The following LATS2 variants were observed in gnomAD, a reference collection of about 807,000 sequenced individuals.
LATS2 encodes large tumor suppressor kinase 2.
In LATS2, 24 loss-of-function variants were observed where a neutral mutation model predicts 76.0. The ratio of observed to expected loss-of-function variants is 0.32; its 90% CI spans 0.23 to 0.44. The LOEUF is 0.44. Among genes scored for constraint, LATS2 ranks in the 20% least tolerant of loss-of-function variants. LATS2 has a pLI of 1.00. For missense variants in LATS2, 1,286 were observed against 1,481.2 expected, an observed-to-expected ratio of 0.87 and a Z score of 2.16; for synonymous variants, 692 against 635.4, an observed-to-expected ratio of 1.09 and a Z score of -1.34.
intron 2 of LATS2, among the ~76,000 whole-genome samples, chr13:21,031,114 T>C (rs1565960257): frequency 6.6e-6 from 1 of 152,230 alleles, no homozygotes; most frequent in African/African-American, 2.4e-5. Context: ...CATTTTTCTC[T>C]GGGTGCTTTC....
At chr13:21,013,844 G>A (rs370366341) in intron 2 of LATS2, among the ~76,000 whole-genome samples, 1 of 152,184 alleles carries the variant, frequency 6.6e-6, no homozygotes, top group South Asian at 2.1e-4. Context: ...GACCACACAT[G>A]CCTGTGGTCC....
Position 20,988,310 on chromosome 13 carries a change from A to ATGC in LATS2, c.1467_1469dup (p.Glu489_His490insGln). The ATGC allele has an allele frequency of 6.5e-7, 1 of 1,535,916 alleles. No individual in the cohort carries two copies. The highest frequency in any genetic ancestry group is 8.7e-7 in the Non-Finnish European group (1 of 1,148,658). Reference sequence around the variant, plus strand: ...CGCCTGCGCCGCCCAGCGCCAGGGCATGCTCCTCCTTGGCGTCCAAGCCCT... The same window carrying ATGC: ...CGCCTGCGCCGCCCAGCGCCAGGGCATGCTGCTCCTCCTTGGCGTCCAAGCCCT... On this transcript the variant is annotated inframe_insertion, in exon 4 of 8. Transcript: ENST00000382592.
rs576062584 is a variant in LATS2 at position 21,059,609 on chromosome 13, A to T, written c.-205+1737T>A. Among the ~76,000 whole-genome samples the T allele has an allele frequency of 2.7e-5, 4 of 149,740 alleles. No homozygotes were observed. In the South Asian group the frequency reaches 8.5e-4, roughly 32 times the overall value. On this transcript the variant is annotated intron_variant, in intron 1 of 7. Coordinates refer to ENST00000382592, the MANE Select transcript of LATS2 (RefSeq NM_014572.3). Reference sequence around the variant, plus strand: ...GACAACGTCTCAAAAAACAACAACAACAACAACAAAAAACACTCATATCCA... The same window carrying T: ...GACAACGTCTCAAAAAACAACAACATCAACAACAAAAAACACTCATATCCA...
rs2138425987 is a variant in LATS2, at chr13:21,061,572, C to G, written c.-431G>C. On this transcript the variant is annotated 5_prime_UTR_variant, in exon 1 of 8. It removes an upstream start codon present in the reference 5' UTR. Transcript: ENST00000382592. Reference sequence around the variant, plus strand: ...AGTGGGACATTCGCTACATTGTTGGCATTCCACGGGCGTCACGTGACCCCG... The same window carrying G: ...AGTGGGACATTCGCTACATTGTTGGGATTCCACGGGCGTCACGTGACCCCG... 1 of 152,762 alleles carries G rather than the reference C, an allele frequency of 6.5e-6. No individual in the cohort carries two copies. Among genetic ancestry groups the G allele is most frequent in the Admixed American group, 6.5e-5 (1 of 15,304 alleles). 9.5% of individuals were successfully genotyped at this position (152,762 alleles called of 1,614,324 possible).
At chr13:20,993,597 T>C (rs532729045) in intron 2 of LATS2, among the ~76,000 whole-genome samples, 4 of 151,732 alleles carry the variant, frequency 2.6e-5, no homozygotes, top group Non-Finnish European at 5.9e-5. Context: ...AGTGACAGAT[T>C]GGAAAATGGT....
chr13:21,051,606 C>T lies in LATS2; in HGVS notation c.-204-5376G>A, dbSNP rs575460722. On this transcript the variant is annotated intron_variant, in intron 1 of 7. Transcript: ENST00000382592. Reference sequence around the variant, plus strand: ...GGAAACCTCACCTGTCTGGGCAATGCGGCCCACCAGGAGAGCAGTGTCAGT... The same window carrying T: ...GGAAACCTCACCTGTCTGGGCAATGTGGCCCACCAGGAGAGCAGTGTCAGT... 2.0e-5 allele frequency among the ~76,000 whole-genome samples: 3 copies of T among 152,100 alleles called. No individual in the cohort carries two copies. In the South Asian group the frequency reaches 6.2e-4, roughly 31 times the overall value.
chr13:21,036,357 G>C (rs1872682872), intron 2 of LATS2, among the ~76,000 whole-genome samples: 1 of 152,072 alleles, frequency 6.6e-6, no homozygotes, highest in African/African-American at 2.4e-5. Context: ...CAGGAAAGTG[G>C]GTCCAGTCTC....
At chr13:21,052,616 A>G (rs1384738229) in intron 1 of LATS2, among the ~76,000 whole-genome samples, 2 of 152,172 alleles carry the variant, frequency 1.3e-5, no homozygotes, top group Non-Finnish European at 2.9e-5. Flanking sequence ...CCTCCCAAAG[A>G]GCTGGGATAA....
intron 2 of LATS2, among the ~76,000 whole-genome samples, chr13:20,992,585 C>T (rs1870553164): frequency 6.6e-6 from 1 of 151,990 alleles, no homozygotes; most frequent in South Asian, 2.1e-4. Context: ...GGGACAAGGG[C>T]AAAAACAGGC....
In LATS2 at chr13:21,000,765, T is replaced by C. The variant is rs114763569; in HGVS notation, c.343-9361A>G. On this transcript the variant is annotated intron_variant, in intron 2 of 7. Transcript: ENST00000382592. The stretch of plus-strand genomic sequence containing the variant: ...CTAACAAATCTACCACTGTTCTAGA[T>C]GGTATGTAGCAAAAATAAGCAAAAA... 4.8e-3 allele frequency among the ~76,000 whole-genome samples: 738 copies of C among 152,304 alleles called. 7 individuals are homozygous for C. Among genetic ancestry groups the C allele is most frequent in the African/African-American group, 0.017 (711 of 41,558 alleles).
At chr13:21,030,111 A>G (rs1872462942) in intron 2 of LATS2, among the ~76,000 whole-genome samples, 1 of 151,602 alleles carries the variant, frequency 6.6e-6, no homozygotes, top group Non-Finnish European at 1.5e-5. Flanking sequence ...CAAAAGAGCT[A>G]GACTCTACTT....
At chr13:21,023,927 C>T (rs1455228797) in intron 2 of LATS2, among the ~76,000 whole-genome samples, 2 of 151,256 alleles carry the variant, frequency 1.3e-5, no homozygotes, top group Non-Finnish European at 2.9e-5. Flanking sequence ...GAGACGAGAT[C>T]GCACCATTGC....
chr13:20,985,378 C>T (rs1333278853), intron 4 of LATS2, among the ~76,000 whole-genome samples: 1 of 152,306 alleles, frequency 6.6e-6, no homozygotes, highest in Admixed American at 6.5e-5. Flanking sequence ...TGACAAAAGA[C>T]TATTATTCAG....
At chr13:21,007,760 A>ATTTTTTTT (rs1202476922) in intron 2 of LATS2, among the ~76,000 whole-genome samples, 4 of 4,568 alleles carry the variant, frequency 8.8e-4, no homozygotes, top group African/African-American at 2.1e-3. Context: ...ATATATATAT[A>ATTTTTTTT]TTTTTTTTTT....
chr13:20,990,779 C>T (rs1361253584), intron 3 of LATS2, among the ~76,000 whole-genome samples: 1 of 152,114 alleles, frequency 6.6e-6, no homozygotes, highest in East Asian at 1.9e-4. Flanking sequence ...GCCTCAGGCC[C>T]ATCACAGGGG....
At chr13:21,060,855 C>G (rs1873615736) in intron 1 of LATS2, among the ~76,000 whole-genome samples, 1 of 151,382 alleles carries the variant, frequency 6.6e-6, no homozygotes, top group South Asian at 2.1e-4. Flanking sequence ...CGCCGCCGGA[C>G]CGGGGGTCCC....
At chr13:21,034,737 T>G (rs943257293) in intron 2 of LATS2, among the ~76,000 whole-genome samples, 1 of 152,086 alleles carries the variant, frequency 6.6e-6, no homozygotes, top group East Asian at 1.9e-4. Flanking sequence ...CTGCCGAGCC[T>G]ACACAGCTAG....
chr13:21,023,176 C>G (rs918876641), intron 2 of LATS2: 1 of 152,186 alleles, frequency 6.6e-6, no homozygotes, highest in Non-Finnish European at 1.5e-5. Flanking sequence ...CTCCGAAGGC[C>G]GGGGAGTGGG....
chr13:21,036,086 G>A (rs1872676117), intron 2 of LATS2, among the ~76,000 whole-genome samples: 1 of 152,104 alleles, frequency 6.6e-6, no homozygotes. Flanking sequence ...TTTAATAGAC[G>A]GGTTTCACCA....
Sources: allele counts gnomAD v4.1 joint callset (sites outside exome capture counted in the v4.1 genomes callset), GRCh38; gene constraint gnomAD v4.1.1; transcripts MANE v1.5; gene names NCBI Gene and HGNC (gene_info 2026-07-23, HGNC 2026-07-21).